Variants in RASSF1 observed in about 807,000 individuals in gnomAD.
RASSF1 encodes the protein Ras association domain family member 1, also known as ras association domain-containing protein 1.
In RASSF1, 33 loss-of-function variants were observed where a neutral mutation model predicts 34.3. The observed-to-expected ratio is 0.96, with a 90% CI of 0.73 to 1.29. RASSF1 has a LOEUF of 1.29. RASSF1 is among the 50% of genes most tolerant of loss of function. RASSF1 has a pLI of 0.00. For synonymous variants in RASSF1, 191 were observed against 195.0 expected, an observed-to-expected ratio of 0.98 and a Z score of 0.17; for missense variants, 445 against 471.8, an observed-to-expected ratio of 0.94 and a Z score of 0.53.
chr3:50,330,757 C>T lies in RASSF1; in HGVS notation c.877-30G>A. The T allele has an allele frequency of 6.2e-7, 1 of 1,607,750 alleles. No homozygotes were observed. Among genetic ancestry groups the T allele is most frequent in the Middle Eastern group, 1.7e-4 (1 of 6,034 alleles). On this transcript the variant is annotated intron_variant, in intron 5 of 5. Transcript: ENST00000359365. This position sits in a 1 kb window ranked among gnomAD's most constrained non-coding sequence, Gnocchi z 4.5. ...AAGGGGCAAAAGGGGAGTGTACAGG[C>T]TGCAGAAGGGATGGCCAAGCCAGCA... is the stretch of plus-strand genomic sequence containing the variant.
Position 50,330,683 on chromosome 3 carries a change from G to C in RASSF1, c.921C>G (p.Ile307Met). The C allele has an allele frequency of 3.1e-6, 5 of 1,614,130 alleles. No homozygotes were observed. The highest frequency in any genetic ancestry group is 4.2e-6 in the Non-Finnish European group (5 of 1,179,990). ...GGTGCTCCTCCTCCTCCCGCTGCAG[G>C]ATACGTAGGAAGTTATGTAGTTCAG... Reference protein sequence around the residue: ...SMPELHNFLRILQREEEEHLR... With the variant: ...SMPELHNFLRMLQREEEEHLR... Residue 307 changes from isoleucine to methionine, a missense_variant, in exon 6 of 6, where the codon ATC (isoleucine) becomes ATG (methionine). Transcript: ENST00000359365. This position sits in a 1 kb window ranked among gnomAD's most constrained non-coding sequence, Gnocchi z 4.5.
Position 50,331,694 on chromosome 3 carries a change from C to A in RASSF1, c.625G>T (p.Asp209Tyr), listed in dbSNP as rs2109337205. The A allele has an allele frequency of 6.2e-7, 1 of 1,613,300 alleles. No individual in the cohort carries two copies. Among genetic ancestry groups the A allele is most frequent in the East Asian group, 2.2e-5 (1 of 44,856 alleles). Residue 209 changes from aspartate (D) to tyrosine (Y), a missense_variant, in exon 4 of 6, where the codon GAT (aspartate) becomes TAT (tyrosine). Asp to Tyr is a radical substitution (Grantham distance 160). Transcript: ENST00000359365. ...AGCACATGCAGGTGCTTGACAGCAT[C>A]CTTGGGCAGGTAAAAGGAAGTGCGG... ...RRRTSFYLPK[D>Y]AVKHLHVLSR...
chr3:50,337,341 A>G (rs1238434207), intron 2 of RASSF1: 1 of 1,607,668 alleles, frequency 6.2e-7, no homozygotes, highest in Admixed American at 1.7e-5. Flanking sequence ...CCCGTCCCCC[A>G]GTCCTGCGCG....
chr3:50,339,541 T>A (rs948636147), intron 1 of RASSF1, among the ~76,000 whole-genome samples: 7 of 151,914 alleles, frequency 4.6e-5, no homozygotes, highest in African/African-American at 1.7e-4. Flanking sequence ...CATTTTTTTT[T>A]ATTTTTTAGT....
At chr3:50,335,804 C>T (rs1026104685) in intron 2 of RASSF1, among the ~76,000 whole-genome samples, 1 of 152,086 alleles carries the variant, frequency 6.6e-6, no homozygotes, top group Non-Finnish European at 1.5e-5. Flanking sequence ...TAGGGTTTCA[C>T]CATGTTGGCC....
Position 50,330,760 on chromosome 3 carries a change from C to T in RASSF1, c.877-33G>A. On this transcript the variant is annotated intron_variant, in intron 5 of 5. Transcript: ENST00000359365. The surrounding 1 kb of genome is among the most constrained non-coding windows in gnomAD (Gnocchi z 4.5). Reference sequence around the variant, plus strand: ...GGGCAAAAGGGGAGTGTACAGGCTGCAGAAGGGATGGCCAAGCCAGCAGAC... The same window carrying T: ...GGGCAAAAGGGGAGTGTACAGGCTGTAGAAGGGATGGCCAAGCCAGCAGAC... 6.2e-7 allele frequency: 1 copy of T among 1,606,642 alleles called. No individual in the cohort carries two copies. Among genetic ancestry groups the T allele is most frequent in the Non-Finnish European group, 8.5e-7 (1 of 1,174,968 alleles).
At chr3:50,339,360 C>CTTTTTTTTTTTT (rs1017192174) in intron 1 of RASSF1, among the ~76,000 whole-genome samples, 4 of 104,452 alleles carry the variant, frequency 3.8e-5, no homozygotes, top group African/African-American at 1.8e-4. Context: ...CAGCCTTGTT[C>CTTTTTTTTTTTT]TTTTTTTTTT....
rs768120370 is a variant in RASSF1, at chr3:50,340,598, C to T, written c.208G>A (p.Asp70Asn). The T allele has an allele frequency of 2.9e-5, 45 of 1,547,070 alleles. No individual in the cohort carries two copies. Among genetic ancestry groups the T allele is most frequent in the Non-Finnish European group, 3.8e-5 (44 of 1,156,942 alleles). Reference sequence around the variant, plus strand: ...TTGCGCACGACGCCCCAGATGAAGTCGCCACAGAGGTCGCACCACGTGTGC... The same window carrying T: ...TTGCGCACGACGCCCCAGATGAAGTTGCCACAGAGGTCGCACCACGTGTGC... ...ATHTWCDLCG[D>N]FIWGVVRKGL... The change falls in exon 1 of 6, where the codon GAC becomes AAC. Residue 70 changes from aspartate (D) to asparagine (N), a missense_variant. Asp to Asn is a conservative substitution (Grantham distance 23). Coordinates refer to ENST00000359365, the MANE Select transcript of RASSF1 (RefSeq NM_007182.5).
At chr3:50,334,662 C>T (rs1427802793) in intron 2 of RASSF1, among the ~76,000 whole-genome samples, 1 of 152,228 alleles carries the variant, frequency 6.6e-6, no homozygotes, top group African/African-American at 2.4e-5. Flanking sequence ...TCCTTCTTCC[C>T]TTCCTGGATG....
chr3:50,333,260 G>A (rs1703010595), intron 2 of RASSF1, among the ~76,000 whole-genome samples: 1 of 152,210 alleles, frequency 6.6e-6, no homozygotes, highest in African/African-American at 2.4e-5. Flanking sequence ...GGAGAGTGGT[G>A]CACATCAGTA....
At position 50,330,655 on chromosome 3, in the gene RASSF1, G is replaced by A. The variant is rs1384988139; in HGVS notation, c.949C>T (p.Arg317Cys). 5.6e-6 allele frequency: 9 copies of A among 1,614,000 alleles called. No homozygotes were observed. Among genetic ancestry groups the A allele is most frequent in the African/African-American group, 5.3e-5 (4 of 74,910 alleles). The change falls in exon 6 of 6, where the codon CGC becomes TGC. Residue 317 changes from arginine to cysteine, a missense_variant. Physicochemically the swap from Arg to Cys is radical, Grantham distance 180. Transcript: ENST00000359365. The surrounding 1 kb of genome is among the most constrained non-coding windows in gnomAD (Gnocchi z 4.5). ...ILQREEEEHL[R>C]QILQKYSYCR... ...TAGGAGTACTTCTGCAGGATCTGGC[G>A]GAGGTGCTCCTCCTCCTCCCGCTGC...
At chr3:50,337,399 T>C in intron 2 of RASSF1, 1 of 1,589,682 alleles carries the variant, frequency 6.3e-7, no homozygotes, top group Non-Finnish European at 8.5e-7. Flanking sequence ...CGTGTACGCG[T>C]GTCAGTGTGC....
intron 2 of RASSF1, among the ~76,000 whole-genome samples, chr3:50,333,943 T>C (rs917983249): frequency 6.6e-6 from 1 of 152,186 alleles, no homozygotes; most frequent in African/African-American, 2.4e-5. Flanking sequence ...TGACGTCAGA[T>C]AGGCCCTAGT....
chr3:50,337,460 A>C (rs947761913), intron 2 of RASSF1: 46 of 1,562,716 alleles, frequency 2.9e-5, no homozygotes, highest in Non-Finnish European at 4.0e-5. Context: ...TGAAACGTAG[A>C]TCGCCGGGAT....
At chr3:50,338,747 A>C (rs1200829444) in intron 1 of RASSF1, among the ~76,000 whole-genome samples, 1 of 150,696 alleles carries the variant, frequency 6.6e-6, no homozygotes, top group East Asian at 1.9e-4. Context: ...CCCTCTACCC[A>C]CTCCAGCCAG....
intron 2 of RASSF1, among the ~76,000 whole-genome samples, chr3:50,333,563 G>A (rs1389492526): frequency 6.6e-6 from 1 of 151,644 alleles, no homozygotes; most frequent in Non-Finnish European, 1.5e-5. Context: ...TGCAAGTTCT[G>A]CCTCCTGGGT....
chr3:50,335,679 G>A (rs901320242), intron 2 of RASSF1, among the ~76,000 whole-genome samples: 2 of 151,768 alleles, frequency 1.3e-5, no homozygotes, highest in Non-Finnish European at 2.9e-5. Context: ...GCAGTGGCAC[G>A]ATCTTGGCTC....
At chr3:50,336,849 AGGT>A in intron 2 of RASSF1, 1 of 349,848 alleles carries the variant, frequency 2.9e-6, no homozygotes, top group Non-Finnish European at 5.2e-6. Context: ...GCGGAAATCG[AGGT>A]GCTAGTCCAA....
At position 50,330,735 on chromosome 3, in the gene RASSF1, G is replaced by A; in HGVS notation, c.877-8C>T. On this transcript the variant is annotated splice_region_variant and splice_polypyrimidine_tract_variant and intron_variant, in intron 5 of 5. Coordinates refer to ENST00000359365, the MANE Select transcript of RASSF1 (RefSeq NM_007182.5). This position sits in a 1 kb window ranked among gnomAD's most constrained non-coding sequence, Gnocchi z 4.5. The stretch of plus-strand genomic sequence containing the variant: ...CATGCTGAAGGCGTCCCACTGCAAG[G>A]GGCAAAAGGGGAGTGTACAGGCTGC... The A allele has an allele frequency of 6.2e-7, 1 of 1,613,554 alleles. No homozygotes were observed. Among genetic ancestry groups the A allele is most frequent in the African/African-American group, 1.3e-5 (1 of 75,024 alleles).
Sources: gnomAD v4.1 joint callset for allele counts (sites outside exome capture counted in the v4.1 genomes callset) on GRCh38, gnomAD v4.1.1 for gene constraint, Gnocchi (gnomAD v3.1) non-coding constraint, MANE v1.5 for transcripts, NCBI Gene and HGNC (gene_info 2026-07-23, HGNC 2026-07-21) for gene names.